The following ACTL8 variants were observed in gnomAD, a reference collection of about 807,000 sequenced individuals.
ACTL8 encodes actin like 8, also known as actin-like protein 8.
In ACTL8, 3 loss-of-function variants were observed where a neutral mutation model predicts 9.3. That is an observed-to-expected ratio of 0.32 (90% CI 0.15 to 0.83). The LOEUF (loss-of-function observed/expected upper bound fraction) is 0.83. Ranked by LOEUF, ACTL8 falls within the 40% of genes least tolerant of loss-of-function variation. The pLI is 0.57. For missense variants in ACTL8, 381 were observed against 492.2 expected (o/e 0.77, Z 2.14); for synonymous variants, 224 against 205.9 (o/e 1.09, Z -0.75).
intron 1 of ACTL8, among the ~76,000 whole-genome samples, chr1:17,797,640 T>A (rs578132377): frequency 1.1e-4 from 17 of 152,236 alleles, no homozygotes; most frequent in African/African-American, 4.1e-4. Context: ...TGCAGTGTAG[T>A]GTGCAGTCGA....
intron 2 of ACTL8, 32 bp from the exon 3 acceptor site, chr1:17,825,734 GA>G (rs745466309): frequency 6.3e-7 from 1 of 1,595,226 alleles, no homozygotes; most frequent in Non-Finnish European, 8.5e-7. Flanking sequence ...AGGCTGGGGG[GA>G]AATGCACTGA....
At chr1:17,762,641 A>C (rs945690175) in intron 1 of ACTL8, among the ~76,000 whole-genome samples, 18 of 152,116 alleles carry the variant, frequency 1.2e-4, no homozygotes, top group African/African-American at 4.3e-4. Context: ...CCCGATATCG[A>C]ACCCCAGGGG....
At chr1:17,785,037 A>G (rs954951547) in intron 1 of ACTL8, among the ~76,000 whole-genome samples, 18 of 152,134 alleles carry the variant, frequency 1.2e-4, no homozygotes, top group African/African-American at 3.9e-4. Context: ...GTCAGATCTC[A>G]TGAGAATTAT....
chr1:17,826,594 G>T lies in ACTL8; in HGVS notation c.*75G>T. The T allele has an allele frequency of 2.8e-6, 4 of 1,415,642 alleles. No individual in the cohort carries two copies. Among genetic ancestry groups the T allele is most frequent in the Non-Finnish European group, 3.7e-6 (4 of 1,069,842 alleles). The allele number at this position is 1,415,642 out of a possible 1,614,324, so 87.7% of individuals were successfully genotyped here. ...GGATTAATTTTAGCAAAATGTTCTG[G>T]GTGGGGGTAGAATGAGGTGGGGTGG... On this transcript the variant is annotated 3_prime_UTR_variant, in exon 3 of 3. Coordinates refer to ENST00000375406, the MANE Select transcript of ACTL8 (RefSeq NM_030812.3). This position sits in a 1 kb window ranked among gnomAD's most constrained non-coding sequence, Gnocchi z 4.5.
intron 1 of ACTL8, among the ~76,000 whole-genome samples, chr1:17,797,972 G>T (rs556739512): frequency 6.6e-6 from 1 of 152,278 alleles, no homozygotes; most frequent in Non-Finnish European, 1.5e-5. Flanking sequence ...CTGAAATGCT[G>T]TCGAATCTGA....
At chr1:17,814,460 A>T (rs1008915035) in intron 1 of ACTL8, among the ~76,000 whole-genome samples, 1 of 152,190 alleles carries the variant, frequency 6.6e-6, no homozygotes, top group African/African-American at 2.4e-5. Context: ...AATACATACC[A>T]TTATGTTAGT....
chr1:17,799,614 T>C (rs2066306019), intron 1 of ACTL8, among the ~76,000 whole-genome samples: 1 of 152,156 alleles, frequency 6.6e-6, no homozygotes, highest in Non-Finnish European at 1.5e-5. Flanking sequence ...TTTTTTTCTC[T>C]GGCCTTAGAA....
At chr1:17,766,167 C>T (rs892281769) in intron 1 of ACTL8, among the ~76,000 whole-genome samples, 4 of 152,164 alleles carry the variant, frequency 2.6e-5, no homozygotes. Flanking sequence ...GGAGGTGGGA[C>T]CTCTGAACCC....
At chr1:17,762,129 T>G (rs1410208173) in intron 1 of ACTL8, among the ~76,000 whole-genome samples, 1 of 151,628 alleles carries the variant, frequency 6.6e-6, no homozygotes, top group Non-Finnish European at 1.5e-5. Context: ...GGGAGAGCCG[T>G]GAGATGGTTG....
intron 1 of ACTL8, among the ~76,000 whole-genome samples, chr1:17,774,299 G>A (rs888761139): frequency 1.6e-4 from 25 of 152,072 alleles, no homozygotes; most frequent in Admixed American, 4.6e-4. Flanking sequence ...ACAGCTAGGC[G>A]CCCTTGCCCA....
At chr1:17,814,996 A>G (rs1204036644) in intron 1 of ACTL8, among the ~76,000 whole-genome samples, 1 of 152,210 alleles carries the variant, frequency 6.6e-6, no homozygotes, top group Non-Finnish European at 1.5e-5. Context: ...ATTCAGTACA[A>G]TAACATGCTG....
At chr1:17,776,574 C>G (rs979658488) in intron 1 of ACTL8, among the ~76,000 whole-genome samples, 1 of 152,170 alleles carries the variant, frequency 6.6e-6, no homozygotes, top group Admixed American at 6.5e-5. Context: ...TGCTTCCGTT[C>G]CACTCTGCCG....
chr1:17,784,678 C>T (rs554028493), intron 1 of ACTL8, among the ~76,000 whole-genome samples: 10 of 152,120 alleles, frequency 6.6e-5, no homozygotes, highest in Non-Finnish European at 1.5e-4. Flanking sequence ...AATGCTATAC[C>T]CCATTTATTC....
chr1:17,826,327 C>T lies in ACTL8; in HGVS notation c.909C>T (p.Leu303=), dbSNP rs370158483. The part of the protein sequence containing the change: ...SHVMACGGNT[L]YPGFTKRLFR... ...TGATGGCCTGCGGGGGCAACACCCTCTATCCCGGGTTCACAAAGCGCCTGT... is the reference window on the plus strand; with the variant it reads ...TGATGGCCTGCGGGGGCAACACCCTTTATCCCGGGTTCACAAAGCGCCTGT... Residue 303 remains leucine (L), a synonymous_variant, in exon 3 of 3, where the codon CTC becomes CTT. Transcript: ENST00000375406. This position sits in a 1 kb window ranked among gnomAD's most constrained non-coding sequence, Gnocchi z 4.5. 6.2e-7 allele frequency: 1 copy of T among 1,613,724 alleles called. No homozygotes were observed. Among genetic ancestry groups the T allele is most frequent in the Non-Finnish European group, 8.5e-7 (1 of 1,179,788 alleles).
intron 1 of ACTL8, among the ~76,000 whole-genome samples, chr1:17,773,525 A>G (rs565357761): frequency 2.6e-5 from 4 of 152,344 alleles, no homozygotes; most frequent in South Asian, 2.1e-4. Flanking sequence ...TTATGCGTTT[A>G]TTTATGATGC....
intron 1 of ACTL8, among the ~76,000 whole-genome samples, chr1:17,812,594 CA>C (rs1215012828): frequency 1.8e-5 from 2 of 110,844 alleles, no homozygotes; most frequent in Non-Finnish European, 3.9e-5. Flanking sequence ...CACGCCCTGT[CA>C]ATTTTTTTTT....
chr1:17,782,248 A>G (rs2066161190), intron 1 of ACTL8, among the ~76,000 whole-genome samples: 1 of 152,188 alleles, frequency 6.6e-6, no homozygotes, highest in African/African-American at 2.4e-5. Flanking sequence ...TAAATGCTGC[A>G]GACAGCTTGA....
intron 1 of ACTL8, among the ~76,000 whole-genome samples, chr1:17,780,886 T>G (rs2066150419): frequency 6.6e-6 from 1 of 152,306 alleles, no homozygotes; most frequent in Middle Eastern, 3.4e-3. Flanking sequence ...CGGGAGGTTC[T>G]AAACTGGAGT....
At chr1:17,777,554 C>A (rs1371285820) in intron 1 of ACTL8, among the ~76,000 whole-genome samples, 1 of 152,144 alleles carries the variant, frequency 6.6e-6, no homozygotes, top group Non-Finnish European at 1.5e-5. Context: ...ATAGATTGGC[C>A]GTTGCTTACC....
Sources: gnomAD v4.1 joint callset for allele counts (sites outside exome capture counted in the v4.1 genomes callset) on GRCh38, gnomAD v4.1.1 for gene constraint, Gnocchi (gnomAD v3.1) non-coding constraint, MANE v1.5 for transcripts, NCBI Gene and HGNC (gene_info 2026-07-23, HGNC 2026-07-21) for gene names.